PCDHGB5: variants seen among roughly 807,000 people sequenced by gnomAD.
PCDHGB5 encodes the protein protocadherin gamma subfamily B, 5.
Under a neutral mutation model 62.9 loss-of-function variants are expected in PCDHGB5, and 48 were observed. The observed-to-expected ratio is 0.76, with a 90% CI of 0.61 to 0.97. PCDHGB5 has a LOEUF of 0.97. Ranked by LOEUF, PCDHGB5 falls within the 50% of genes least tolerant of loss-of-function variation. The pLI, the probability that PCDHGB5 is intolerant of heterozygous loss-of-function variation, is 0.00. For missense variants in PCDHGB5, 1,118 were observed against 1,198.6 expected (o/e 0.93, Z 0.99); for synonymous variants, 474 against 511.2 (o/e 0.93, Z 0.98).
intron 1 of PCDHGB5, among the ~76,000 whole-genome samples, chr5:141,445,609 T>A (rs900534761): frequency 1.3e-5 from 2 of 152,220 alleles, no homozygotes; most frequent in African/African-American, 4.8e-5. Flanking sequence ...CAAGGAAGGC[T>A]TTCTTTTTTT....
In PCDHGB5 at chr5:141,431,150, C is replaced by A. The variant is rs1007532359; in HGVS notation, c.2397+30626C>A. On this transcript the variant is annotated intron_variant, in intron 1 of 3. Transcript: ENST00000617380. The surrounding 1 kb of genome is among the most constrained non-coding windows in gnomAD (Gnocchi z 4.8). ...AGTAAGGGACATTAACGACAATGCGCCTTACTTTCGTGAAAGTGAATTAGA... is the reference window on the plus strand; with the variant it reads ...AGTAAGGGACATTAACGACAATGCGACTTACTTTCGTGAAAGTGAATTAGA... The A allele has an allele frequency of 1.2e-6, 2 of 1,614,226 alleles. No individual in the cohort carries two copies. The highest frequency in any genetic ancestry group is 1.7e-6 in the Non-Finnish European group (2 of 1,180,030).
rs756525217 is a variant in PCDHGB5, at chr5:141,402,958, A to T, written c.2397+2434A>T. On this transcript the variant is annotated intron_variant, in intron 1 of 3. Coordinates refer to ENST00000617380, the MANE Select transcript of PCDHGB5 (RefSeq NM_018925.3). Reference sequence around the variant, plus strand: ...AATTCCAAAGCGAGGCAGCAATGGCAGCTCCAACCAAATGCCAGCTCCGCG... The same window carrying T: ...AATTCCAAAGCGAGGCAGCAATGGCTGCTCCAACCAAATGCCAGCTCCGCG... 48 of 1,602,110 alleles carry T rather than the reference A, an allele frequency of 3.0e-5. 1 individual carries two copies. The highest frequency in any genetic ancestry group is 8.5e-7 in the Non-Finnish European group (1 of 1,173,862).
chr5:141,430,761 T>G, intron 1 of PCDHGB5: 5 of 1,506,132 alleles, frequency 3.3e-6, no homozygotes, highest in Non-Finnish European at 3.5e-6. Context: ...AAGATAAGAA[T>G]GATTCCTGCG....
chr5:141,458,165 A>T lies in PCDHGB5; in HGVS notation c.2398-36642A>T, dbSNP rs10075475. On this transcript the variant is annotated intron_variant, in intron 1 of 3. Coordinates refer to ENST00000617380, the MANE Select transcript of PCDHGB5 (RefSeq NM_018925.3). Reference sequence around the variant, plus strand: ...TGAACATGCTCCAAATTTTGTTCACAGTAGTATACCTTACTTGATTATTAA... The same window carrying T: ...TGAACATGCTCCAAATTTTGTTCACTGTAGTATACCTTACTTGATTATTAA... Among the ~76,000 whole-genome samples the T allele has an allele frequency of 2.4e-3, 368 of 152,356 alleles. 2 individuals carry two copies. The highest frequency in any genetic ancestry group is 8.5e-3 in the African/African-American group (354 of 41,588).
chr5:141,409,647 G>A, intron 1 of PCDHGB5: 2 of 1,613,668 alleles, frequency 1.2e-6, no homozygotes, highest in Non-Finnish European at 1.7e-6. Context: ...CCGGATTTGG[G>A]GCTCAATGGC....
chr5:141,478,293 T>C (rs2099444312), intron 1 of PCDHGB5: 2 of 1,614,026 alleles, frequency 1.2e-6, no homozygotes. Context: ...TCTAGAGACC[T>C]ATACCGAGCC....
intron 2 of PCDHGB5, among the ~76,000 whole-genome samples, chr5:141,502,250 T>A (rs915754322): frequency 2.6e-5 from 4 of 152,242 alleles, no homozygotes; most frequent in East Asian, 3.8e-4. Context: ...TCCTTTTTTT[T>A]AATCCAGGAT....
At chr5:141,408,885 T>G in intron 1 of PCDHGB5, 1 of 1,613,020 alleles carries the variant, frequency 6.2e-7, no homozygotes, top group Middle Eastern at 1.6e-4. Context: ...ACCGCTCACA[T>G]AGAAATTTCT....
chr5:141,451,163 G>A (rs2098709493), intron 1 of PCDHGB5, among the ~76,000 whole-genome samples: 1 of 152,086 alleles, frequency 6.6e-6, no homozygotes, highest in African/African-American at 2.4e-5. Flanking sequence ...TTTTTTGGTA[G>A]TATATTATTT....
intron 1 of PCDHGB5, among the ~76,000 whole-genome samples, chr5:141,472,590 C>G (rs1161871973): frequency 6.6e-6 from 1 of 151,908 alleles, no homozygotes; most frequent in African/African-American, 2.4e-5. Flanking sequence ...GTCAGAAGCT[C>G]TCTTGAAATT....
In PCDHGB5 at chr5:141,431,777, G is replaced by C. The variant is rs151011884; in HGVS notation, c.2397+31253G>C. 1.2e-6 allele frequency: 2 copies of C among 1,614,188 alleles called. No individual in the cohort carries two copies. The highest frequency in any genetic ancestry group is 4.5e-5 in the East Asian group (2 of 44,870). ...CAAAGTCCTGATCACTGTTCTGGAC[G>C]TGAACGACAATGCCCCAGAAGTGGT... On this transcript the variant is annotated intron_variant, in intron 1 of 3. Coordinates refer to ENST00000617380, the MANE Select transcript of PCDHGB5 (RefSeq NM_018925.3). The surrounding 1 kb of genome is among the most constrained non-coding windows in gnomAD (Gnocchi z 4.8).
In PCDHGB5 at chr5:141,490,801, A is replaced by G; in HGVS notation, c.2398-4006A>G. On this transcript the variant is annotated intron_variant, in intron 1 of 3. Transcript: ENST00000617380. The surrounding 1 kb of genome is among the most constrained non-coding windows in gnomAD (Gnocchi z 5.4). ...GGATGGACGGATCTTTGCCCAGCGT[A>G]CCTTTGACTATGAATTGCTGCAGAT... The G allele has an allele frequency of 6.2e-7, 1 of 1,613,854 alleles. No homozygotes were observed. Among genetic ancestry groups the G allele is most frequent in the African/African-American group, 1.3e-5 (1 of 75,042 alleles).
chr5:141,445,545 A>G (rs1422837499), intron 1 of PCDHGB5, among the ~76,000 whole-genome samples: 2 of 152,256 alleles, frequency 1.3e-5, no homozygotes, highest in Non-Finnish European at 2.9e-5. Context: ...AAGGAGAAAT[A>G]CAAAAGCACT....
chr5:141,510,510 G>A (rs1042950478), intron 3 of PCDHGB5, among the ~76,000 whole-genome samples: 5 of 152,132 alleles, frequency 3.3e-5, no homozygotes, highest in Non-Finnish European at 5.9e-5. Context: ...CTGAGAGCCC[G>A]TGTCACAGCC....
chr5:141,406,481 T>C (rs2094814987), intron 1 of PCDHGB5, among the ~76,000 whole-genome samples: 2 of 152,242 alleles, frequency 1.3e-5, no homozygotes, highest in Admixed American at 6.5e-5. Flanking sequence ...GGTTATATTT[T>C]TCAGATCACA....
Position 141,399,593 on chromosome 5 carries a change from C to T in PCDHGB5, c.1466C>T (p.Ala489Val). Reference protein sequence around the residue: ...LNGQVSYSIMASDLEPLALAS... With the variant: ...LNGQVSYSIMVSDLEPLALAS... ...GGCCAAGTCTCCTACTCTATCATGG[C>T]CAGCGACCTAGAGCCTCTGGCACTG... The change falls in exon 1 of 4, where the codon GCC (alanine) becomes GTC (valine). Residue 489 changes from alanine to valine, a missense_variant. Physicochemically the swap from Ala to Val is moderately conservative, Grantham distance 64 (BLOSUM62 0). This residue lies in a region of PCDHGB5 where 1,034 missense variants were observed against 1,029.1 expected (regional missense o/e 1.00). Coordinates refer to ENST00000617380, the MANE Select transcript of PCDHGB5 (RefSeq NM_018925.3). The T allele has an allele frequency of 6.2e-7, 1 of 1,613,988 alleles. No homozygotes were observed. The highest frequency in any genetic ancestry group is 8.5e-7 in the Non-Finnish European group (1 of 1,179,882).
chr5:141,472,980 CAA>C (rs60579131), intron 1 of PCDHGB5, among the ~76,000 whole-genome samples: 879 of 86,072 alleles, frequency 0.01, 5 homozygotes, highest in African/African-American at 0.015. Context: ...GAGTGAAACT[CAA>C]AAAAAAAAAA....
chr5:141,421,222 C>G, intron 1 of PCDHGB5: 2 of 1,576,946 alleles, frequency 1.3e-6, no homozygotes, highest in Non-Finnish European at 1.7e-6. Flanking sequence ...CGGCTTAGAG[C>G]CTGCCATGGC....
chr5:141,485,359 C>T lies in PCDHGB5; in HGVS notation c.2398-9448C>T. ...TGGATACGGACAGTCTGTCAGCTCG[C>T]AGGCTGCAGGTCGCTGGAGAGGTGA... is the stretch of plus-strand genomic sequence containing the variant. On this transcript the variant is annotated intron_variant, in intron 1 of 3. Transcript: ENST00000617380. The surrounding 1 kb of genome is among the most constrained non-coding windows in gnomAD (Gnocchi z 5.7). 6.2e-7 allele frequency: 1 copy of T among 1,614,144 alleles called. No homozygotes were observed. The highest frequency in any genetic ancestry group is 8.5e-7 in the Non-Finnish European group (1 of 1,180,010).
Sources: gnomAD v4.1 joint callset for allele counts (sites outside exome capture counted in the v4.1 genomes callset) on GRCh38, gnomAD v4.1.1 for gene constraint, gnomAD v4.1.1 regional missense constraint, Gnocchi (gnomAD v3.1) non-coding constraint, MANE v1.5 for transcripts, NCBI Gene and HGNC (gene_info 2026-07-23, HGNC 2026-07-21) for gene names.